The following GSDMC variants were observed in gnomAD, a reference collection of about 807,000 sequenced individuals.
GSDMC encodes the protein gasdermin C.
GSDMC carries 59 observed loss-of-function variants against 58.0 expected under a neutral mutation model. The observed-to-expected ratio is 1.02, with a 90% confidence interval of 0.82 to 1.26. The LOEUF (loss-of-function observed/expected upper bound fraction) is 1.26. Among genes scored for constraint, GSDMC ranks in the 50% most tolerant of loss-of-function variants. The pLI, the probability that GSDMC is intolerant of heterozygous loss-of-function variation, is 0.00. For synonymous variants in GSDMC, 241 were observed against 220.2 expected (o/e 1.09, Z -0.83); for missense variants, 659 against 598.5 (o/e 1.10, Z -1.06).
chr8:129,713,834 G>T, the GSDMC span, among the ~76,000 whole-genome samples: 1 of 152,116 alleles, frequency 6.6e-6, no homozygotes, highest in African/African-American at 2.4e-5. Flanking sequence ...GGCCATAAAT[G>T]ATGGAGCCCA....
chr8:129,735,687 GC>G, the GSDMC span, among the ~76,000 whole-genome samples: 1 of 152,158 alleles, frequency 6.6e-6, no homozygotes, highest in Admixed American at 6.5e-5. Context: ...AGCACTAAAT[GC>G]CCACAAGAGA....
At chr8:129,776,467 T>C (rs1358430469) in intron 2 of GSDMC, among the ~76,000 whole-genome samples, 182 bp from the exon 3 acceptor site, 1 of 152,176 alleles carries the variant, frequency 6.6e-6, no homozygotes, top group Non-Finnish European at 1.5e-5. Flanking sequence ...TTACTACAGA[T>C]GGAAAATATT....
intron 6 of GSDMC, among the ~76,000 whole-genome samples, chr8:129,757,890 C>G (rs2033505226): frequency 6.6e-6 from 1 of 151,952 alleles, no homozygotes; most frequent in Non-Finnish European, 1.5e-5. Context: ...TACTTGGGGG[C>G]TGAGGTGGGA....
chr8:129,752,295 C>A, intron 7 of GSDMC, 148 bp from the exon 8 acceptor site: 1 of 699,924 alleles, frequency 1.4e-6, no homozygotes, highest in Non-Finnish European at 2.5e-6. Flanking sequence ...TAAAAAACTT[C>A]CCCAGAGAGA....
At chr8:129,710,001 G>A in the GSDMC span, among the ~76,000 whole-genome samples, 1 of 152,166 alleles carries the variant, frequency 6.6e-6, no homozygotes, top group African/African-American at 2.4e-5. Flanking sequence ...GTTCATCTCT[G>A]GGTACCAGCA....
At position 129,774,350 on chromosome 8, in the gene GSDMC, T is replaced by C. The variant is rs555559387; in HGVS notation, c.404+1752A>G. Among the ~76,000 whole-genome samples the C allele has an allele frequency of 9.9e-5, 15 of 152,234 alleles. No individual in the cohort carries two copies. The East Asian group carries it at 2.9e-3, about 29-fold the overall frequency. On this transcript the variant is annotated intron_variant, in intron 3 of 13. Coordinates refer to ENST00000276708, the MANE Select transcript of GSDMC (RefSeq NM_031415.3). ...GTGTTGAGAATACTGGATACTCACATGCAAAAGACTGAAACTAGGTCCTTA... is the reference window on the plus strand; with the variant it reads ...GTGTTGAGAATACTGGATACTCACACGCAAAAGACTGAAACTAGGTCCTTA...
chr8:129,714,480 G>A, the GSDMC span, among the ~76,000 whole-genome samples: 3 of 152,180 alleles, frequency 2.0e-5, no homozygotes, highest in African/African-American at 7.2e-5. Flanking sequence ...CAGTGCCTGG[G>A]AGGCAAAAGA....
chr8:129,756,984 T>G (rs2033465973), intron 6 of GSDMC, among the ~76,000 whole-genome samples: 1 of 151,666 alleles, frequency 6.6e-6, no homozygotes, highest in Non-Finnish European at 1.5e-5. Flanking sequence ...TACCTTATGA[T>G]GCATCTTAAA....
the GSDMC span, among the ~76,000 whole-genome samples, chr8:129,715,937 G>A: frequency 6.6e-6 from 1 of 152,168 alleles, no homozygotes; most frequent in Non-Finnish European, 1.5e-5. Flanking sequence ...TAATGCCATT[G>A]TAAGTTTTTT....
intron 8 of GSDMC, 97 bp downstream of exon 8, chr8:129,752,009 G>T: frequency 1.4e-6 from 2 of 1,453,366 alleles, no homozygotes; most frequent in South Asian, 2.3e-5. Context: ...TTCCCCAGAG[G>T]CCAGACCCCA....
chr8:129,720,493 T>C, the GSDMC span, among the ~76,000 whole-genome samples: 56,267 of 151,976 alleles, frequency 0.37, 14,096 homozygotes, highest in East Asian at 0.71. Flanking sequence ...ATAAATATAT[T>C]GTGTATGAAT....
Position 129,752,693 on chromosome 8 carries a change from A to G in GSDMC, c.844+5T>C, listed in dbSNP as rs2033259389. Reference sequence around the variant, plus strand: ...AAGTAAAAATAAAGTGAGCAATCACAGTACCTGGTTTTAACTTCATATCAT... The same window carrying G: ...AAGTAAAAATAAAGTGAGCAATCACGGTACCTGGTTTTAACTTCATATCAT... On this transcript the variant is annotated splice_donor_5th_base_variant and intron_variant, in intron 7 of 13. Coordinates refer to ENST00000276708, the MANE Select transcript of GSDMC (RefSeq NM_031415.3). The G allele has an allele frequency of 1.2e-6, 2 of 1,614,028 alleles. No individual in the cohort carries two copies. The highest frequency in any genetic ancestry group is 3.3e-5 in the Admixed American group (2 of 59,996).
At chr8:129,721,706 C>G in the GSDMC span, among the ~76,000 whole-genome samples, 1 of 152,200 alleles carries the variant, frequency 6.6e-6, no homozygotes, top group African/African-American at 2.4e-5. Flanking sequence ...TGCTCTAGTT[C>G]TCTCTGACTT....
At chr8:129,713,815 T>C in the GSDMC span, among the ~76,000 whole-genome samples, 4 of 152,196 alleles carry the variant, frequency 2.6e-5, no homozygotes, top group South Asian at 6.2e-4. Context: ...AACCACCCTT[T>C]AATTTATAGG....
At chr8:129,710,275 T>C in the GSDMC span, among the ~76,000 whole-genome samples, 2 of 152,190 alleles carry the variant, frequency 1.3e-5, no homozygotes, top group African/African-American at 4.8e-5. Context: ...AATGAATGAA[T>C]TATTGAATGA....
At chr8:129,749,645 A>G in intron 12 of GSDMC, 120 bp from the exon 13 acceptor site, 1 of 766,186 alleles carries the variant, frequency 1.3e-6, no homozygotes. Context: ...AACCCATTAG[A>G]CTTGAAGGTC....
intron 6 of GSDMC, among the ~76,000 whole-genome samples, chr8:129,756,184 CA>C (rs57820154): frequency 2.6e-4 from 36 of 140,144 alleles, no homozygotes; most frequent in South Asian, 2.3e-4. Context: ...TAATGGAAAC[CA>C]AAAAAAAAAG....
chr8:129,744,721 A>G (rs2032927099), downstream of GSDMC, among the ~76,000 whole-genome samples: 3 of 152,238 alleles, frequency 2.0e-5, no homozygotes, highest in Non-Finnish European at 4.4e-5. Flanking sequence ...GAAGGCACAC[A>G]CTAACCGTCT....
chr8:129,717,989 G>A, the GSDMC span, among the ~76,000 whole-genome samples: 2 of 152,008 alleles, frequency 1.3e-5, no homozygotes, highest in Non-Finnish European at 2.9e-5. Context: ...ACTGAAACTG[G>A]ACTCCTCCCT....
Sources: allele counts gnomAD v4.1 joint callset (sites outside exome capture counted in the v4.1 genomes callset), GRCh38; gene constraint gnomAD v4.1.1; transcripts MANE v1.5; gene names NCBI Gene and HGNC (gene_info 2026-07-23, HGNC 2026-07-21).